Variants in FAM50B observed in about 807,000 individuals in gnomAD.
FAM50B encodes the protein family with sequence similarity 50 member B, also known as protein FAM50B.
FAM50B carries 9 observed loss-of-function variants against 25.4 expected under a neutral mutation model. The ratio of observed to expected loss-of-function variants is 0.35; its 90% CI spans 0.21 to 0.62. The LOEUF is 0.62. Ranked by LOEUF, FAM50B falls within the 20% of genes least tolerant of loss-of-function variation. The pLI is 0.73. For missense variants in FAM50B, 372 were observed against 477.9 expected (o/e 0.78, Z 2.07); for synonymous variants, 212 against 204.3 (o/e 1.04, Z -0.32).
chr6:3,850,171 G>A lies in FAM50B; in HGVS notation c.360G>A (p.Leu120=). ...AGCGCAAGCGTAAGATCTCCTGCCT[G>A]TCCTTTGCACTAGACGACCTCGATG... The part of the protein sequence containing the change: ...RRERKRKISC[L]SFALDDLDDQ... The change falls in exon 2 of 2, where the codon CTG becomes CTA. Residue 120 remains leucine, a synonymous_variant. Transcript: ENST00000648326. 6.2e-7 allele frequency: 1 copy of A among 1,613,342 alleles called. No homozygotes were observed. The highest frequency in any genetic ancestry group is 8.5e-7 in the Non-Finnish European group (1 of 1,179,824).
upstream of FAM50B, among the ~76,000 whole-genome samples, chr6:3,846,259 G>A (rs908608730): frequency 2.6e-5 from 4 of 152,064 alleles, no homozygotes; most frequent in South Asian, 2.1e-4. Context: ...AGATACTGTG[G>A]GTTCAGTTCC....
the FAM50B span, among the ~76,000 whole-genome samples, chr6:3,837,412 G>T: frequency 2.6e-5 from 4 of 152,040 alleles, no homozygotes; most frequent in African/African-American, 4.8e-5. Context: ...ATGAACAAAA[G>T]ATCTGAACAG....
intron 1 of FAM50B, 133 bp downstream of exon 1, chr6:3,849,619 GA>G (rs1447869057): frequency 3.0e-5 from 30 of 998,138 alleles, no homozygotes; most frequent in Non-Finnish European, 4.2e-5. Flanking sequence ...TAAAATGCTG[GA>G]AATTGGTGCC....
chr6:3,833,719 G>T, the FAM50B span: 3 of 152,320 alleles, frequency 2.0e-5, no homozygotes, highest in South Asian at 2.1e-4. Context: ...ACAGCATGTA[G>T]CCCCTGGAAA....
the FAM50B span, among the ~76,000 whole-genome samples, chr6:3,839,962 C>T: frequency 9.9e-3 from 1,387 of 140,656 alleles, 27 homozygotes; most frequent in African/African-American, 0.038. Context: ...ATGATGAAAC[C>T]CTGTCTTTGT....
At chr6:3,849,752 C>A in intron 1 of FAM50B, 37 bp from the exon 2 acceptor site, 1 of 1,519,506 alleles carries the variant, frequency 6.6e-7, no homozygotes, top group Non-Finnish European at 8.8e-7. Flanking sequence ...TTGCGTGGGC[C>A]CCCCTCTACC....
the FAM50B span, among the ~76,000 whole-genome samples, chr6:3,840,317 C>CA: frequency 1.3e-5 from 2 of 151,384 alleles, no homozygotes; most frequent in African/African-American, 2.4e-5. Context: ...ATTAAAAATA[C>CA]AAAAAATTAG....
the FAM50B span, chr6:3,833,993 T>A: frequency 6.6e-6 from 1 of 152,378 alleles, no homozygotes; most frequent in South Asian, 2.1e-4. Flanking sequence ...AAAACATTTT[T>A]AAAATTATTT....
chr6:3,843,631 T>C, the FAM50B span, among the ~76,000 whole-genome samples: 1 of 152,230 alleles, frequency 6.6e-6, no homozygotes, highest in Non-Finnish European at 1.5e-5. Flanking sequence ...TCTAGTATAT[T>C]TTGTACTTCC....
upstream of FAM50B, among the ~76,000 whole-genome samples, chr6:3,848,834 T>A (rs1008890285): frequency 6.6e-6 from 1 of 152,172 alleles, no homozygotes; most frequent in African/African-American, 2.4e-5. Flanking sequence ...ACAAGCTGAG[T>A]GCAGGTTTTG....
chr6:3,847,184 G>A (rs1056395077), upstream of FAM50B, among the ~76,000 whole-genome samples: 2 of 152,240 alleles, frequency 1.3e-5, no homozygotes, highest in Non-Finnish European at 2.9e-5. Context: ...CCTAGCAAGA[G>A]AGTCAACCTG....
Position 3,850,410 on chromosome 6 carries a change from C to G in FAM50B, c.599C>G (p.Thr200Arg). The G allele has an allele frequency of 6.2e-7, 1 of 1,613,332 alleles. No individual in the cohort carries two copies. Among genetic ancestry groups the G allele is most frequent in the Non-Finnish European group, 8.5e-7 (1 of 1,179,926 alleles). Residue 200 changes from threonine to arginine, a missense_variant, in exon 2 of 2, where the codon ACG (threonine) becomes AGG (arginine). By Grantham distance (71) the Thr-to-Arg change is moderately conservative. Coordinates refer to ENST00000648326, the MANE Select transcript of FAM50B (RefSeq NM_012135.3). The stretch of plus-strand genomic sequence containing the variant: ...TGGGACGGCTCGGGCCACCGGCGCA[C>G]GGTGCGGGTGCGCAAGGGCAACACG... ...SYWDGSGHRRTVRVRKGNTVQ... is the reference protein window; with the variant it reads ...SYWDGSGHRRRVRVRKGNTVQ...
chr6:3,847,884 C>T (rs75548613), upstream of FAM50B, among the ~76,000 whole-genome samples: 2,946 of 152,298 alleles, frequency 0.019, 81 homozygotes, highest in African/African-American at 0.067. Context: ...TGCTGTGTCT[C>T]AGGCACTAGG....
At chr6:3,846,067 G>C (rs1308283251), upstream of FAM50B, among the ~76,000 whole-genome samples, 3 of 152,152 alleles carry the variant, frequency 2.0e-5, no homozygotes, top group Admixed American at 6.6e-5. Flanking sequence ...CTGGGTGAAT[G>C]CTGCAGGGGT....
chr6:3,844,436 C>T (rs1447584087), upstream of FAM50B, among the ~76,000 whole-genome samples: 7 of 152,212 alleles, frequency 4.6e-5, 1 homozygote, highest in South Asian at 8.3e-4. Flanking sequence ...TAATACCGGG[C>T]GAGGTGGCTC....
At chr6:3,832,681 G>C in the FAM50B span, among the ~76,000 whole-genome samples, 2 of 152,166 alleles carry the variant, frequency 1.3e-5, no homozygotes, top group African/African-American at 2.4e-5. Flanking sequence ...ACAGTTCTGA[G>C]ATACACTCCG....
upstream of FAM50B, among the ~76,000 whole-genome samples, chr6:3,845,037 A>G (rs1018237049): frequency 2.0e-5 from 3 of 152,188 alleles, no homozygotes; most frequent in African/African-American, 7.2e-5. Context: ...CTTCTTTCTT[A>G]AAGTTTCACC....
Position 3,851,112 on chromosome 6 carries a change from G to A in FAM50B, c.*323G>A, listed in dbSNP as rs111995093. ...CCTGGTGGTTATGAGCATGGACTTG[G>A]GGGCCACAGTGACTGAGTTTGATTC... On this transcript the variant is annotated 3_prime_UTR_variant, in exon 2 of 2. Transcript: ENST00000648326. 1,357 of 320,280 alleles carry A rather than the reference G, an allele frequency of 4.2e-3. 4 individuals carry two copies. The highest frequency in any genetic ancestry group is 6.1e-3 in the Non-Finnish European group (992 of 162,380). The allele number at this position is 320,280 out of a possible 1,614,324, so 19.8% of individuals were successfully genotyped here.
chr6:3,834,380 A>G, the FAM50B span, among the ~76,000 whole-genome samples: 1 of 146,252 alleles, frequency 6.8e-6, no homozygotes, highest in Admixed American at 6.8e-5. Flanking sequence ...AAAAAAAAGG[A>G]AGAAAAGAAA....
Sources: allele counts gnomAD v4.1 joint callset (sites outside exome capture counted in the v4.1 genomes callset), GRCh38; gene constraint gnomAD v4.1.1; transcripts MANE v1.5; gene names NCBI Gene and HGNC (gene_info 2026-07-23, HGNC 2026-07-21).